FLT3: variants seen among roughly 807,000 people sequenced by gnomAD.
FLT3 encodes receptor-type tyrosine-protein kinase FLT3.
A neutral mutation model predicts 126.6 loss-of-function variants in FLT3; 46 were observed. The observed-to-expected ratio is 0.36, with a 90% CI of 0.29 to 0.46. The LOEUF is 0.46. Among genes scored for constraint, FLT3 ranks in the 20% least tolerant of loss-of-function variants. The probability of loss-of-function intolerance (pLI) is 1.00; values close to 1 mark genes in which losing one functional copy is unlikely to be tolerated. For missense variants in FLT3, 1,069 were observed against 1,190.3 expected (o/e 0.90, Z 1.50); for synonymous variants, 404 against 434.4 (o/e 0.93, Z 0.87).
At chr13:28,058,452 C>T (rs1202446931) in intron 3 of FLT3, among the ~76,000 whole-genome samples, 3 of 151,988 alleles carry the variant, frequency 2.0e-5, no homozygotes, top group South Asian at 2.1e-4. Context: ...GCGGAGGTTG[C>T]GGTGAGCCAA....
intron 2 of FLT3, chr13:28,067,817 C>T (rs1033379982): frequency 1.7e-5 from 4 of 229,788 alleles, no homozygotes; most frequent in Non-Finnish European, 3.5e-5. Flanking sequence ...ATCCTTGTTA[C>T]AGAAAACCAA....
At chr13:28,018,290 T>G (rs1872065715) in intron 20 of FLT3, among the ~76,000 whole-genome samples, 177 bp downstream of exon 20, 1 of 152,216 alleles carries the variant, frequency 6.6e-6, no homozygotes, top group Non-Finnish European at 1.5e-5. Flanking sequence ...TTATTATAGA[T>G]GGAAGATTCC....
chr13:28,059,791 C>A (rs1876371056), intron 3 of FLT3, among the ~76,000 whole-genome samples: 1 of 151,666 alleles, frequency 6.6e-6, no homozygotes, highest in Admixed American at 6.6e-5. Context: ...GAAACCCCAC[C>A]GCTATTAAAA....
At position 28,052,535 on chromosome 13, in the gene FLT3, T is replaced by TG; in HGVS notation, c.614+9dup. 1 of 1,605,676 alleles carries TG rather than the reference T, an allele frequency of 6.2e-7. No individual in the cohort carries two copies. The highest frequency in any genetic ancestry group is 8.5e-7 in the Non-Finnish European group (1 of 1,176,304). On this transcript the variant is annotated intron_variant, in intron 5 of 23. Coordinates refer to ENST00000241453, the MANE Select transcript of FLT3 (RefSeq NM_004119.3). ...TTATGAGAATAGCAGCTACCATGGA[T>TG]GTGTCATACCTTTCCCCCTGTGAAT... is the stretch of plus-strand genomic sequence containing the variant.
chr13:28,047,711 CAAAAAAAA>C (rs56745762), intron 9 of FLT3, among the ~76,000 whole-genome samples: 1 of 108,594 alleles, frequency 9.2e-6, no homozygotes, highest in South Asian at 3.2e-4. Context: ...GACCTCATCT[CAAAAAAAA>C]AAAAAAAAAG....
chr13:28,011,955 G>A (rs1312652836), intron 23 of FLT3, among the ~76,000 whole-genome samples: 2 of 151,784 alleles, frequency 1.3e-5, no homozygotes, highest in African/African-American at 4.8e-5. Context: ...GCGCCACCAC[G>A]CCTGGCTAAT....
At chr13:28,031,932 C>T (rs1053965231) in intron 15 of FLT3, among the ~76,000 whole-genome samples, 1 of 152,146 alleles carries the variant, frequency 6.6e-6, no homozygotes, top group Non-Finnish European at 1.5e-5. Context: ...AGAGTGGATA[C>T]AGGAACCTGC....
chr13:28,069,346 A>G lies in FLT3; in HGVS notation c.165+1145T>C, dbSNP rs1036215531. Reference sequence around the variant, plus strand: ...CTGACCAAATGTGAAAGTAATAGAAAGAAAGTAGTCCAAAATGATGCTGAG... The same window carrying G: ...CTGACCAAATGTGAAAGTAATAGAAGGAAAGTAGTCCAAAATGATGCTGAG... On this transcript the variant is annotated intron_variant, in intron 2 of 23. Coordinates refer to ENST00000241453, the MANE Select transcript of FLT3 (RefSeq NM_004119.3). Among the ~76,000 whole-genome samples the G allele has an allele frequency of 1.8e-4, 28 of 152,214 alleles. 2 individuals carry two copies. Among genetic ancestry groups the G allele is most frequent in the Admixed American group, 1.7e-3 (26 of 15,278 alleles).
intron 15 of FLT3, among the ~76,000 whole-genome samples, chr13:28,028,745 A>G (rs1873039126): frequency 6.7e-6 from 1 of 150,266 alleles, no homozygotes; most frequent in Non-Finnish European, 1.5e-5. Flanking sequence ...GTGTTTTAAG[A>G]CAGAATTTCT....
rs200970674 is a variant in FLT3, at chr13:28,028,091, G to A, written c.2053+87C>T. The A allele has an allele frequency of 2.0e-3, 4 of 1,994 alleles. No individual in the cohort carries two copies. In the Non-Finnish European group the frequency reaches 0.12, roughly 62 times the overall value. 0.1% of individuals were successfully genotyped at this position (1,994 alleles called of 1,614,324 possible). ...CTGAGAAAAGACAAAGAATTAAAAA[G>A]AGAGAGAGAGAGAGAGAGAGCAAAC... On this transcript the variant is annotated intron_variant, in intron 16 of 23. Coordinates refer to ENST00000241453, the MANE Select transcript of FLT3 (RefSeq NM_004119.3).
chr13:28,056,519 G>A (rs2137753107), intron 4 of FLT3, among the ~76,000 whole-genome samples: 1 of 152,310 alleles, frequency 6.6e-6, no homozygotes, highest in Non-Finnish European at 1.5e-5. Context: ...TCTTGGTCAT[G>A]GAAGGCGAAG....
Position 28,026,698 on chromosome 13 carries a change from G to A in FLT3, c.2207+390C>T, listed in dbSNP as rs919010807. Among the ~76,000 whole-genome samples the A allele has an allele frequency of 2.6e-5, 4 of 152,146 alleles. No homozygotes were observed. In the East Asian group the frequency reaches 7.7e-4, roughly 29 times the overall value. On this transcript the variant is annotated intron_variant, in intron 17 of 23. Coordinates refer to ENST00000241453, the MANE Select transcript of FLT3 (RefSeq NM_004119.3). ...CAATTTGAGTTCAGCGTTCTTTTGC[G>A]CAATAGTCCCAGGACCCGAGCTGCT...
At chr13:28,014,307 C>A (rs1871641314) in intron 23 of FLT3, 145 bp downstream of exon 23, 2 of 609,328 alleles carry the variant, frequency 3.3e-6, no homozygotes, top group Non-Finnish European at 2.9e-6. Flanking sequence ...TAAAGTCTTA[C>A]CCCACACAAC....
In FLT3 at chr13:28,100,476, G is replaced by T; in HGVS notation, c.35C>A (p.Pro12Gln). 1 of 1,217,880 alleles carries T rather than the reference G, an allele frequency of 8.2e-7. No homozygotes were observed. Among genetic ancestry groups the T allele is most frequent in the Non-Finnish European group, 1.0e-6 (1 of 979,088 alleles). 75.4% of individuals were successfully genotyped at this position (1,217,880 alleles called of 1,614,324 possible). Residue 12 changes from proline to glutamine, a missense_variant, in exon 1 of 24, where the codon CCG (proline) becomes CAG (glutamine). Transcript: ENST00000241453. This position sits in a 1 kb window ranked among gnomAD's most constrained non-coding sequence, Gnocchi z 4.8. ...AGCGAGCGGGGCCTTACCGAGCAGC[G>T]GCAGCTGGCCGCCGTCGCGCGCCAA... ...PALARDGGQLPLLVVFSAMIF... is the reference protein window; with the variant it reads ...PALARDGGQLQLLVVFSAMIF...
chr13:28,084,651 T>G (rs1458830199), intron 1 of FLT3, among the ~76,000 whole-genome samples: 2 of 152,162 alleles, frequency 1.3e-5, no homozygotes, highest in Non-Finnish European at 2.9e-5. Context: ...GCTATTGTAG[T>G]CAGAAGATAT....
intron 3 of FLT3, 142 bp from the exon 4 acceptor site, chr13:28,057,604 G>A: frequency 1.6e-6 from 1 of 615,936 alleles, no homozygotes; most frequent in East Asian, 2.8e-5. Flanking sequence ...CACAGCTTCT[G>A]TCATGTGCCC....
rs763324475 is a variant in FLT3, at chr13:28,014,550, T to C, written c.2761A>G (p.Ile921Val). 1.9e-6 allele frequency: 3 copies of C among 1,609,994 alleles called. No homozygotes were observed. The East Asian group carries it at 6.7e-5, about 36-fold the overall frequency. ...TCAAAAGCCCAGCAGGATTGCATTA[T>C]AATGTATCTGTAAAAGCAATAGAAC... ...PFYATEEIYI[I>V]MQSCWAFDSR... The change falls in exon 23 of 24, where the codon ATA (isoleucine) becomes GTA (valine). Residue 921 changes from isoleucine to valine, a missense_variant. By Grantham distance (29) the Ile-to-Val change is conservative (BLOSUM62 3). Transcript: ENST00000241453.
At chr13:28,021,765 CAG>C (rs1326502081) in intron 19 of FLT3, among the ~76,000 whole-genome samples, 3 of 150,402 alleles carry the variant, frequency 2.0e-5, no homozygotes, top group East Asian at 2.0e-4. Context: ...TTTTTTGAGA[CAG>C]AGTCTCACTC....
intron 20 of FLT3, 47 bp downstream of exon 20, chr13:28,018,420 C>T (rs773085573): frequency 6.2e-7 from 1 of 1,607,118 alleles, no homozygotes; most frequent in Non-Finnish European, 8.5e-7. Flanking sequence ...GATAACGACA[C>T]AACACAAAAT....
Sources: allele counts gnomAD v4.1 joint callset (sites outside exome capture counted in the v4.1 genomes callset), GRCh38; gene constraint gnomAD v4.1.1; non-coding constraint Gnocchi (gnomAD v3.1); transcripts MANE v1.5; gene names NCBI Gene and HGNC (gene_info 2026-07-23, HGNC 2026-07-21).